Variants in ESS2 observed in about 807,000 individuals in gnomAD.
The protein encoded by ESS2 is splicing factor ESS-2 homolog.
In ESS2, 31 loss-of-function variants were observed where a neutral mutation model predicts 52.0. The observed-to-expected ratio is 0.60, with a 90% CI of 0.45 to 0.81. ESS2 has a LOEUF of 0.81. Ranked by LOEUF, ESS2 falls within the 30% of genes least tolerant of loss-of-function variation. The pLI, the probability that ESS2 is intolerant of heterozygous loss-of-function variation, is 0.00. For synonymous variants in ESS2, 285 were observed against 259.2 expected, an observed-to-expected ratio of 1.10 and a Z score of -0.95; for missense variants, 602 against 637.2, an observed-to-expected ratio of 0.94 and a Z score of 0.59.
intron 6 of ESS2, among the ~76,000 whole-genome samples, chr22:19,138,818 C>G (rs994646355): frequency 6.6e-6 from 1 of 152,302 alleles, no homozygotes; most frequent in South Asian, 2.1e-4. Context: ...CCCCAGCCAC[C>G]CCCTGGGGCT....
At chr22:19,143,834 T>C (rs943172832) in intron 1 of ESS2, among the ~76,000 whole-genome samples, 2 of 152,216 alleles carry the variant, frequency 1.3e-5, no homozygotes, top group African/African-American at 4.8e-5. Flanking sequence ...CACTCCAGCC[T>C]GGACGACGAG....
At position 19,144,285 on chromosome 22, in the gene ESS2, C is replaced by A. The variant is rs536639139; in HGVS notation, c.135+221G>T. 3.5e-4 allele frequency: 466 copies of A among 1,323,810 alleles called. 2 individuals carry two copies. The highest frequency in any genetic ancestry group is 7.3e-5 in the Non-Finnish European group (76 of 1,035,196). The allele number at this position is 1,323,810 out of a possible 1,614,324, so 82.0% of individuals were successfully genotyped here. A position where few individuals can be genotyped will look rare whatever the true frequency, so the allele number is the denominator to read the frequency against. ...TTCTTTCCCTGACCCCCGTCCCATA[C>A]AAAGAGAGCCGCTCTCTCTTTTCCC... On this transcript the variant is annotated intron_variant, in intron 1 of 9. Transcript: ENST00000252137.
intron 3 of ESS2, among the ~76,000 whole-genome samples, chr22:19,141,206 G>A (rs1220292878): frequency 6.6e-6 from 1 of 151,912 alleles, no homozygotes; most frequent in Non-Finnish European, 1.5e-5. Context: ...CAAGCTTCAA[G>A]GACAACAAGG....
intron 6 of ESS2, among the ~76,000 whole-genome samples, chr22:19,138,817 C>T (rs1465279127): frequency 6.6e-6 from 1 of 152,194 alleles, no homozygotes; most frequent in Admixed American, 6.5e-5. Context: ...ACCCCAGCCA[C>T]CCCCTGGGGC....
At chr22:19,135,824 T>C (rs1373632715) in intron 8 of ESS2, among the ~76,000 whole-genome samples, 1 of 151,020 alleles carries the variant, frequency 6.6e-6, no homozygotes, top group Non-Finnish European at 1.5e-5. Context: ...GCTCAGGCAT[T>C]GGAGACCAGC....
rs182571054 is a variant in ESS2 at position 19,131,026 on chromosome 22, C to T, written c.*3170G>A. 6.2e-4 allele frequency: 148 copies of T among 240,086 alleles called. No homozygotes were observed. Among genetic ancestry groups the T allele is most frequent in the Non-Finnish European group, 9.1e-4 (110 of 121,292 alleles). The allele number at this position is 240,086 out of a possible 1,614,324, so 14.9% of individuals were successfully genotyped here. On this transcript the variant is annotated 3_prime_UTR_variant, in exon 10 of 10. Coordinates refer to ENST00000252137, the MANE Select transcript of ESS2 (RefSeq NM_022719.3). The surrounding 1 kb of genome is among the most constrained non-coding windows in gnomAD (Gnocchi z 5.7). ...AGCCAGGTGATGCAAACAGGCTGGA[C>T]GTGGGCCGCCTCCCCTCCAGCTTGA...
At chr22:19,138,373 G>A (rs2083622373) in intron 6 of ESS2, 56 bp from the exon 7 acceptor site, 1 of 1,509,260 alleles carries the variant, frequency 6.6e-7, no homozygotes. Flanking sequence ...CTCGACAGCT[G>A]GCCGGTGGGC....
Position 19,131,596 on chromosome 22 carries a change from C to A in ESS2, c.*2600G>T, listed in dbSNP as rs1457825276. 1.9e-6 allele frequency: 3 copies of A among 1,614,168 alleles called. No homozygotes were observed. Among genetic ancestry groups the A allele is most frequent in the Admixed American group, 1.7e-5 (1 of 60,030 alleles). ...CCTCGGGAGATGGACATCCTGGCAA[C>A]TGTCAACCACGGCTCCATCATCAAG... On this transcript the variant is annotated 3_prime_UTR_variant, in exon 10 of 10. Transcript: ENST00000252137. The surrounding 1 kb of genome is among the most constrained non-coding windows in gnomAD (Gnocchi z 5.7).
rs138737621 is a variant in ESS2 at position 19,132,075 on chromosome 22, C to T, written c.*2121G>A. The T allele has an allele frequency of 1.6e-5, 26 of 1,613,840 alleles. 1 individual carries two copies. In the Middle Eastern group the frequency reaches 6.6e-4, roughly 41 times the overall value. ...CGACTCCGACATCAGGAAGATGCTG[C>T]GTATCCAGAAGGAGCACCGTGTGGA... On this transcript the variant is annotated 3_prime_UTR_variant, in exon 10 of 10. Transcript: ENST00000252137. The surrounding 1 kb of genome is among the most constrained non-coding windows in gnomAD (Gnocchi z 4.2).
Position 19,132,219 on chromosome 22 carries a change from C to T in ESS2, c.*1977G>A, listed in dbSNP as rs758996674. The T allele has an allele frequency of 2.5e-6, 4 of 1,611,844 alleles. No homozygotes were observed. Among genetic ancestry groups the T allele is most frequent in the South Asian group, 1.1e-5 (1 of 91,000 alleles). ...GATCCTCAGCCACTCGTGGCTGCAG[C>T]CCCCCAAGCCCAAAGCCACGTCTTC... On this transcript the variant is annotated 3_prime_UTR_variant, in exon 10 of 10. Transcript: ENST00000252137. The surrounding 1 kb of genome is among the most constrained non-coding windows in gnomAD (Gnocchi z 4.2).
chr22:19,140,132 C>G, intron 3 of ESS2, 108 bp from the exon 4 acceptor site: 1 of 1,367,832 alleles, frequency 7.3e-7, no homozygotes, highest in Non-Finnish European at 1.0e-6. Context: ...CTGGAATCCT[C>G]TCCCCTGGTC....
intron 8 of ESS2, 150 bp from the exon 9 acceptor site, chr22:19,135,325 A>G (rs1458831899): frequency 1.6e-6 from 1 of 638,786 alleles, no homozygotes; most frequent in Non-Finnish European, 2.7e-6. Flanking sequence ...AAGCCCCTGG[A>G]AAGCCCCAAA....
intron 6 of ESS2, 127 bp downstream of exon 6, chr22:19,139,032 G>T: frequency 7.7e-7 from 1 of 1,296,892 alleles, no homozygotes; most frequent in Non-Finnish European, 1.0e-6. Flanking sequence ...GGATCCTGCC[G>T]CACAGGGCCC....
intron 8 of ESS2, 62 bp downstream of exon 8, chr22:19,137,261 C>T: frequency 1.6e-6 from 2 of 1,225,244 alleles, no homozygotes; most frequent in Non-Finnish European, 2.3e-6. Context: ...GAGCCACAGG[C>T]ACTCAGGGCT....
At chr22:19,139,750 G>C (rs1458907476) in intron 4 of ESS2, 21 bp from the exon 5 acceptor site, 3 of 1,614,100 alleles carry the variant, frequency 1.9e-6, no homozygotes, top group Middle Eastern at 1.6e-4. Flanking sequence ...ATGGGGAAAA[G>C]TGATGGTCAG....
intron 7 of ESS2, 113 bp from the exon 8 acceptor site, chr22:19,137,545 C>T: frequency 2.1e-6 from 2 of 944,098 alleles, no homozygotes; most frequent in Non-Finnish European, 1.6e-6. Flanking sequence ...AGGCAGGCAG[C>T]TAGCCCTCTC....
In ESS2 at chr22:19,132,386, C is replaced by G; in HGVS notation, c.*1810G>C. ...ACCGGCTGCTGGTGGTGCCCGAGAA[C>G]GAGAACAGGATGGAGGACAGGCTGG... On this transcript the variant is annotated 3_prime_UTR_variant, in exon 10 of 10. Coordinates refer to ENST00000252137, the MANE Select transcript of ESS2 (RefSeq NM_022719.3). The surrounding 1 kb of genome is among the most constrained non-coding windows in gnomAD (Gnocchi z 4.2). 1 of 1,613,100 alleles carries G rather than the reference C, an allele frequency of 6.2e-7. No homozygotes were observed. Among genetic ancestry groups the G allele is most frequent in the Non-Finnish European group, 8.5e-7 (1 of 1,180,016 alleles).
rs201700740 is a variant in ESS2, at chr22:19,142,747, A to T, written c.283T>A (p.Ser95Thr). The change falls in exon 2 of 10, where the codon TCC becomes ACC. Residue 95 changes from serine to threonine, a missense_variant. Coordinates refer to ENST00000252137, the MANE Select transcript of ESS2 (RefSeq NM_022719.3). ...ATACAGGGTGGCGGGGGCTCCCGGG[A>T]CATCTTGCCCAAGGCAGAGCCAAAC... Reference protein sequence around the residue: ...IKFGSALGKMSREPPPPYVTP... With the variant: ...IKFGSALGKMTREPPPPYVTP... 1.2e-6 allele frequency: 2 copies of T among 1,614,038 alleles called. No homozygotes were observed. Among genetic ancestry groups the T allele is most frequent in the African/African-American group, 1.3e-5 (1 of 75,042 alleles).
At position 19,142,737 on chromosome 22, in the gene ESS2, G is replaced by A. The variant is rs915598787; in HGVS notation, c.293C>T (p.Pro98Leu). The change falls in exon 2 of 10, where the codon CCC becomes CTC. Residue 98 changes from proline to leucine, a missense_variant. Physicochemically the swap from Pro to Leu is moderately conservative, Grantham distance 98. Coordinates refer to ENST00000252137, the MANE Select transcript of ESS2 (RefSeq NM_022719.3). ...GSALGKMSRE[P>L]PPPYVTPATF... ...CAGGGTCCTCATACAGGGTGGCGGG[G>A]GCTCCCGGGACATCTTGCCCAAGGC... The A allele has an allele frequency of 4.3e-6, 7 of 1,613,876 alleles. No homozygotes were observed. Among genetic ancestry groups the A allele is most frequent in the Non-Finnish European group, 4.2e-6 (5 of 1,179,884 alleles).
Sources: allele counts gnomAD v4.1 joint callset (sites outside exome capture counted in the v4.1 genomes callset), GRCh38; gene constraint gnomAD v4.1.1; non-coding constraint Gnocchi (gnomAD v3.1); transcripts MANE v1.5; gene names NCBI Gene and HGNC (gene_info 2026-07-23, HGNC 2026-07-21).